Variants in ABCC1 observed in about 807,000 individuals in gnomAD.
The protein encoded by ABCC1 is ATP binding cassette subfamily C member 1 (ABCC1 blood group).
A neutral mutation model predicts 172.9 loss-of-function variants in ABCC1; 83 were observed. The ratio of observed to expected loss-of-function variants is 0.48; its 90% CI spans 0.40 to 0.58. The LOEUF is 0.58. Among genes scored for constraint, ABCC1 ranks in the 20% least tolerant of loss-of-function variants. ABCC1 has a pLI of 0.00. For missense variants in ABCC1, 1,817 were observed against 2,002.7 expected, an observed-to-expected ratio of 0.91 and a Z score of 1.77; for synonymous variants, 937 against 825.2, an observed-to-expected ratio of 1.14 and a Z score of -2.32.
intron 1 of ABCC1, among the ~76,000 whole-genome samples, chr16:15,968,353 T>C (rs142562175): frequency 2.0e-5 from 3 of 152,128 alleles, no homozygotes; most frequent in Non-Finnish European, 2.9e-5. Flanking sequence ...GACAATCTTA[T>C]TGGCAGGTTG....
At chr16:16,100,331 T>C (rs1410693238) in intron 19 of ABCC1, among the ~76,000 whole-genome samples, 1 of 145,588 alleles carries the variant, frequency 6.9e-6, no homozygotes, top group Admixed American at 7.1e-5. Context: ...CTGAGGCTTA[T>C]AGGAGGGTGG....
intron 20 of ABCC1, among the ~76,000 whole-genome samples, chr16:16,104,241 G>C (rs1311175069): frequency 6.6e-6 from 1 of 152,144 alleles, no homozygotes; most frequent in Non-Finnish European, 1.5e-5. Flanking sequence ...GCCACTGCTG[G>C]CTCTGGCAGC....
In ABCC1 at chr16:15,953,005, T is replaced by A. The variant is rs553365013; in HGVS notation, c.48+3206T>A. ...TGCAATGAGCTGAGATCACGGTCAC[T>A]GCACTCCAGTCTGGGCCACAGACTG... On this transcript the variant is annotated intron_variant, in intron 1 of 30. Transcript: ENST00000399410. Among the ~76,000 whole-genome samples, 3 of 150,556 alleles carry A rather than the reference T, an allele frequency of 2.0e-5. No individual in the cohort carries two copies. In the Admixed American group the frequency reaches 2.0e-4, roughly 10 times the overall value.
At chr16:16,071,581 G>T (rs1393182152) in intron 13 of ABCC1, 61 bp from the exon 14 acceptor site, 5 of 1,421,728 alleles carry the variant, frequency 3.5e-6, no homozygotes, top group East Asian at 4.8e-5. Context: ...AGTTAACCTT[G>T]GTTGGTTTTG....
At chr16:16,094,277 C>A (rs2051375089) in intron 19 of ABCC1, 1 of 271,620 alleles carries the variant, frequency 3.7e-6, no homozygotes. Context: ...CATCTGAACC[C>A]TTAAGTTCAG....
At chr16:16,047,108 G>T (rs2049243406) in intron 9 of ABCC1, among the ~76,000 whole-genome samples, 1 of 152,080 alleles carries the variant, frequency 6.6e-6, no homozygotes, top group African/African-American at 2.4e-5. Context: ...TGAGTTAAAA[G>T]AATCACTTCA....
intron 1 of ABCC1, among the ~76,000 whole-genome samples, chr16:15,979,561 C>A: frequency 6.6e-6 from 1 of 151,912 alleles, no homozygotes; most frequent in East Asian, 1.9e-4. Flanking sequence ...ATATGATGCA[C>A]CTATAAAGTG....
Position 16,122,004 on chromosome 16 carries a change from G to A in ABCC1, c.3420G>A (p.Leu1140=). 6.2e-7 allele frequency: 1 copy of A among 1,614,194 alleles called. No homozygotes were observed. The highest frequency in any genetic ancestry group is 1.7e-5 in the Admixed American group (1 of 60,022). The change falls in exon 24 of 31, where the codon CTG becomes CTA. Residue 1140 remains leucine, a synonymous_variant. Coordinates refer to ENST00000399410, the MANE Select transcript of ABCC1 (RefSeq NM_004996.4). ...TCTACGTGGCTTCCTCCCGGCAGCTGAAGCGCCTCGAGTCGGTCAGCCGCT... is the reference window on the plus strand; with the variant it reads ...TCTACGTGGCTTCCTCCCGGCAGCTAAAGCGCCTCGAGTCGGTCAGCCGCT... ...QRFYVASSRQ[L]KRLESVSRSP...
chr16:15,982,221 CTT>C (rs1408816176), intron 1 of ABCC1, among the ~76,000 whole-genome samples: 1 of 152,142 alleles, frequency 6.6e-6, no homozygotes, highest in African/African-American at 2.4e-5. Context: ...TTTTGGGTAT[CTT>C]TACAGTAGCA....
chr16:16,112,808 A>C (rs540881288), intron 22 of ABCC1, among the ~76,000 whole-genome samples: 1 of 152,346 alleles, frequency 6.6e-6, no homozygotes, highest in Non-Finnish European at 1.5e-5. Flanking sequence ...TGCCAGGCAC[A>C]TTGCCAGGTG....
intron 1 of ABCC1, among the ~76,000 whole-genome samples, chr16:15,995,519 T>TG (rs1280898167): frequency 6.6e-6 from 1 of 151,812 alleles, no homozygotes; most frequent in Non-Finnish European, 1.5e-5. Flanking sequence ...TAGAGTTGTT[T>TG]TTTTTAGCTG....
intron 1 of ABCC1, among the ~76,000 whole-genome samples, chr16:16,000,267 C>T (rs1179228174): frequency 6.6e-6 from 1 of 151,796 alleles, no homozygotes; most frequent in East Asian, 1.9e-4. Flanking sequence ...CTGCTTCAGC[C>T]CACTGAGTAG....
At chr16:15,999,195 C>T (rs1051031386) in intron 1 of ABCC1, among the ~76,000 whole-genome samples, 1 of 152,102 alleles carries the variant, frequency 6.6e-6, no homozygotes, top group Non-Finnish European at 1.5e-5. Context: ...TTAGTAGAGA[C>T]AGGGTTTCAC....
intron 26 of ABCC1, among the ~76,000 whole-genome samples, chr16:16,130,437 T>C (rs189378925): frequency 2.6e-5 from 4 of 152,354 alleles, no homozygotes; most frequent in Admixed American, 2.6e-4. Flanking sequence ...TTCTTGTTTC[T>C]TTTTTACTCA....
intron 1 of ABCC1, among the ~76,000 whole-genome samples, chr16:15,971,277 G>A (rs551972875): frequency 2.6e-4 from 40 of 152,282 alleles, no homozygotes; most frequent in South Asian, 1.7e-3. Flanking sequence ...ATATGCAAAT[G>A]CAGGGTACCA....
chr16:15,990,816 ATTTTTT>A (rs57111358), intron 1 of ABCC1, among the ~76,000 whole-genome samples: 1 of 118,210 alleles, frequency 8.5e-6, no homozygotes, highest in Non-Finnish European at 1.7e-5. Flanking sequence ...CGCCCGGCTA[ATTTTTT>A]TTTTTTTTTT....
At chr16:15,968,564 A>T (rs965753647) in intron 1 of ABCC1, among the ~76,000 whole-genome samples, 3 of 151,214 alleles carry the variant, frequency 2.0e-5, no homozygotes, top group African/African-American at 7.3e-5. Context: ...TTTAGTAGAG[A>T]TGGGGTTTTA....
chr16:16,131,719 G>C, intron 26 of ABCC1, 70 bp from the exon 27 acceptor site: 1 of 1,557,584 alleles, frequency 6.4e-7, no homozygotes, highest in Non-Finnish European at 8.7e-7. Context: ...TGAGAGGGGA[G>C]GTCAGGGGAG....
chr16:16,012,165 C>T (rs1244184983), intron 3 of ABCC1, among the ~76,000 whole-genome samples: 1 of 152,202 alleles, frequency 6.6e-6, no homozygotes, highest in Non-Finnish European at 1.5e-5. Flanking sequence ...CTGTCCTAAT[C>T]CCTTTATTAA....
Sources: gnomAD v4.1 joint callset for allele counts (sites outside exome capture counted in the v4.1 genomes callset) on GRCh38, gnomAD v4.1.1 for gene constraint, MANE v1.5 for transcripts, NCBI Gene and HGNC (gene_info 2026-07-23, HGNC 2026-07-21) for gene names.